Variants in SP3 observed in about 807,000 individuals in gnomAD.
SP3 encodes Sp3 transcription factor.
In SP3, 10 loss-of-function variants were observed where a neutral mutation model predicts 70.3. The ratio of observed to expected loss-of-function variants is 0.14; its 90% CI spans 0.09 to 0.24. The LOEUF is 0.24. Ranked by LOEUF, SP3 falls within the 10% of genes least tolerant of loss-of-function variation. SP3 has a pLI of 1.00. For missense variants in SP3, 825 were observed against 914.6 expected (o/e 0.90, Z 1.26); for synonymous variants, 402 against 333.5 (o/e 1.21, Z -2.24).
chr2:173,963,685 T>C (rs1220395309), intron 3 of SP3, 76 bp downstream of exon 3: 3 of 526,286 alleles, frequency 5.7e-6, no homozygotes, highest in Non-Finnish European at 7.3e-6. Context: ...CGGGGAGGCC[T>C]TTTGGGCAGG....
intron 4 of SP3, among the ~76,000 whole-genome samples, chr2:173,945,309 T>G (rs1299972663): frequency 6.6e-6 from 1 of 152,152 alleles, no homozygotes; most frequent in Non-Finnish European, 1.5e-5. Flanking sequence ...CTGTTCCCAC[T>G]ACATCAGAAG....
intron 3 of SP3, among the ~76,000 whole-genome samples, chr2:173,958,582 GAAA>G (rs60433945): frequency 7.5e-6 from 1 of 134,078 alleles, no homozygotes. Context: ...AACGATGGGG[GAAA>G]AAAAAAAAAA....
At chr2:173,961,949 T>TTTG (rs1553519088) in intron 3 of SP3, among the ~76,000 whole-genome samples, 10 of 150,834 alleles carry the variant, frequency 6.6e-5, no homozygotes, top group African/African-American at 2.2e-4. Context: ...TTTTTTTTTT[T>TTTG]TTTTTTTTTT....
chr2:173,955,983 G>T lies in SP3; in HGVS notation c.529C>A (p.Gln177Lys). 6.2e-7 allele frequency: 1 copy of T among 1,614,166 alleles called. No homozygotes were observed. Among genetic ancestry groups the T allele is most frequent in the Non-Finnish European group, 8.5e-7 (1 of 1,180,014 alleles). Residue 177 changes from glutamine to lysine, a missense_variant, in exon 4 of 7, where the codon CAG becomes AAG. Around this residue, in one of 4 missense-constraint regions of SP3, gnomAD observed 678 missense variants for 651.6 expected, o/e 1.04. Transcript: ENST00000310015. ...TGAACCTGCTGACCATCTGCTGACT[G>T]GATCTGTGGTATCACTTGATATTGA... ...SVQYQVIPQIQSADGQQVQIG... is the reference protein window; with the variant it reads ...SVQYQVIPQIKSADGQQVQIG...
chr2:173,931,048 A>G (rs1574408029), intron 4 of SP3, among the ~76,000 whole-genome samples: 1 of 152,206 alleles, frequency 6.6e-6, no homozygotes, highest in Non-Finnish European at 1.5e-5. Flanking sequence ...CCCAGTACAT[A>G]TGTTTATACT....
chr2:173,949,676 C>G (rs1163086615), intron 4 of SP3, among the ~76,000 whole-genome samples: 2 of 152,038 alleles, frequency 1.3e-5, no homozygotes, highest in Admixed American at 6.5e-5. Flanking sequence ...GTTAAAAAAG[C>G]CTGCCTTTTA....
At chr2:173,945,473 A>G (rs1383275389) in intron 4 of SP3, among the ~76,000 whole-genome samples, 1 of 152,202 alleles carries the variant, frequency 6.6e-6, no homozygotes, top group Non-Finnish European at 1.5e-5. Context: ...GTAGTGTGGG[A>G]CAAAAGATTA....
intron 4 of SP3, among the ~76,000 whole-genome samples, chr2:173,919,635 T>C (rs182842308): frequency 6.6e-6 from 1 of 152,092 alleles, no homozygotes; most frequent in East Asian, 1.9e-4. Flanking sequence ...ATCAGGGAAA[T>C]AAAAATTTAA....
intron 4 of SP3, among the ~76,000 whole-genome samples, chr2:173,949,902 G>T (rs1014735273): frequency 6.6e-6 from 1 of 152,196 alleles, no homozygotes; most frequent in South Asian, 2.1e-4. Context: ...AAATCTGACA[G>T]AGGACTAAAA....
intron 4 of SP3, among the ~76,000 whole-genome samples, chr2:173,938,657 A>G (rs920106026): frequency 6.6e-6 from 1 of 152,082 alleles, no homozygotes; most frequent in Non-Finnish European, 1.5e-5. Context: ...TAGCTATAAT[A>G]CAAGACAAAG....
At chr2:173,921,787 A>G (rs1689760819) in intron 4 of SP3, among the ~76,000 whole-genome samples, 1 of 152,162 alleles carries the variant, frequency 6.6e-6, no homozygotes, top group Non-Finnish European at 1.5e-5. Flanking sequence ...GGAGCCTGGT[A>G]GGAGGTGATT....
rs568531623 is a variant in SP3, at chr2:173,905,406, T to C, written c.*4535A>G. On this transcript the variant is annotated 3_prime_UTR_variant, in exon 7 of 7. Transcript: ENST00000310015. The stretch of plus-strand genomic sequence containing the variant: ...CTCTTCATGGATGATGAAAATGAGG[T>C]TTTAAGGTAAGAAAACTACCAATAT... Among the ~76,000 whole-genome samples the C allele has an allele frequency of 6.6e-6, 1 of 152,020 alleles. No homozygotes were observed. Among genetic ancestry groups the C allele is most frequent in the South Asian group, 2.1e-4 (1 of 4,814 alleles).
chr2:173,953,795 A>AAC (rs1690793720), intron 4 of SP3, among the ~76,000 whole-genome samples: 1 of 149,402 alleles, frequency 6.7e-6, no homozygotes, highest in African/African-American at 2.4e-5. Flanking sequence ...AAAAAAAAAA[A>AAC]CAACTACTGC....
At chr2:173,963,145 C>T (rs1237594127) in intron 3 of SP3, 1 of 152,002 alleles carries the variant, frequency 6.6e-6, no homozygotes, top group Non-Finnish European at 1.5e-5. Context: ...ATTTCAAAGG[C>T]TGCTAAATGT....
At position 173,964,529 on chromosome 2, in the gene SP3, T is replaced by C. The variant is rs1177064519; in HGVS notation, c.32A>G (p.Glu11Gly). The C allele has an allele frequency of 4.7e-6, 3 of 644,694 alleles. No homozygotes were observed. Among genetic ancestry groups the C allele is most frequent in the East Asian group, 3.2e-5 (1 of 31,652 alleles). 39.9% of individuals were successfully genotyped at this position (644,694 alleles called of 1,614,324 possible). A position where few individuals can be genotyped will look rare whatever the true frequency, so the allele number is the denominator to read the frequency against. MTAPEKPVKQ[E>G]EMAALDVDSG... ...ATCCACGTCCAAGGCAGCCATTTCC[T>C]CTTGTTTCACGGGCTTTTCGGGAGC... is the stretch of plus-strand genomic sequence containing the variant. The change falls in exon 2 of 7, where the codon GAG (glutamate) becomes GGG (glycine). Residue 11 changes from glutamate (E) to glycine (G), a missense_variant. Physicochemically the swap from Glu to Gly is moderately conservative, Grantham distance 98 (BLOSUM62 -2). Transcript: ENST00000310015.
chr2:173,947,977 G>T (rs1246362634), intron 4 of SP3, among the ~76,000 whole-genome samples: 1 of 152,066 alleles, frequency 6.6e-6, no homozygotes, highest in Non-Finnish European at 1.5e-5. Context: ...CTATTTTCCT[G>T]CATCATCGTC....
intron 5 of SP3, 71 bp downstream of exon 5, chr2:173,918,522 C>A: frequency 7.2e-7 from 1 of 1,390,808 alleles, no homozygotes; most frequent in South Asian, 1.4e-5. Context: ...AATGACATAG[C>A]ATGCAGTATT....
chr2:173,947,778 G>A (rs975043947), intron 4 of SP3, among the ~76,000 whole-genome samples: 10 of 152,282 alleles, frequency 6.6e-5, no homozygotes, highest in African/African-American at 2.4e-4. Flanking sequence ...GGATCATCTT[G>A]AATACAATTT....
intron 5 of SP3, chr2:173,916,188 T>C (rs1190069223): frequency 6.6e-6 from 1 of 152,080 alleles, no homozygotes; most frequent in East Asian, 1.9e-4. Context: ...TTCTTAGGAA[T>C]CTCAATTTTT....
Sources: gnomAD v4.1 joint callset for allele counts (sites outside exome capture counted in the v4.1 genomes callset) on GRCh38, gnomAD v4.1.1 for gene constraint, gnomAD v4.1.1 regional missense constraint, MANE v1.5 for transcripts, NCBI Gene and HGNC (gene_info 2026-07-23, HGNC 2026-07-21) for gene names.